The following ELAPOR2 variants were observed in gnomAD, a reference collection of about 807,000 sequenced individuals.
The protein encoded by ELAPOR2 is endosome-lysosome associated apoptosis and autophagy regulator family member 2, also known as endosome/lysosome-associated apoptosis and autophagy regulator family member 2.
ELAPOR2 carries 89 observed loss-of-function variants against 120.7 expected under a neutral mutation model. The observed-to-expected ratio is 0.74, with a 90% CI of 0.62 to 0.88. The LOEUF is 0.88. ELAPOR2 is among the 40% of genes least tolerant of loss of function. The pLI is 0.00. For synonymous variants in ELAPOR2, 444 were observed against 444.9 expected (o/e 1.00, Z 0.03); for missense variants, 1,134 against 1,251.6 (o/e 0.91, Z 1.42).
intron 1 of ELAPOR2, among the ~76,000 whole-genome samples, chr7:87,038,429 A>C (rs1794655588): frequency 6.6e-6 from 1 of 152,350 alleles, no homozygotes; most frequent in African/African-American, 2.4e-5. Context: ...TGTATACATA[A>C]CGATGCAAAC....
chr7:86,989,591 C>T (rs1385313112), intron 1 of ELAPOR2, among the ~76,000 whole-genome samples: 4 of 152,156 alleles, frequency 2.6e-5, no homozygotes, highest in Non-Finnish European at 5.9e-5. Flanking sequence ...AACTTTCGAG[C>T]CAGATTTGAT....
At chr7:86,889,914 G>C (rs1355260888) in intron 21 of ELAPOR2, among the ~76,000 whole-genome samples, 1 of 151,966 alleles carries the variant, frequency 6.6e-6, no homozygotes, top group Non-Finnish European at 1.5e-5. Flanking sequence ...TGTTCAGCTA[G>C]TTGAGTCTGG....
intron 1 of ELAPOR2, among the ~76,000 whole-genome samples, chr7:87,043,470 T>A (rs901243243): frequency 2.0e-5 from 3 of 151,812 alleles, no homozygotes; most frequent in Admixed American, 6.6e-5. Context: ...CGCAAATCAA[T>A]AAATATAATC....
Position 86,945,522 on chromosome 7 carries a change from T to C in ELAPOR2, c.507-476A>G, listed in dbSNP as rs1439693866. ...TGAAATGAACTTGTCAGTGATGGAC[T>C]TGGCTTTGAGTTCCTAAATCTTTGT... is the stretch of plus-strand genomic sequence containing the variant. On this transcript the variant is annotated intron_variant, in intron 3 of 21. Transcript: ENST00000450689. Among the ~76,000 whole-genome samples the C allele has an allele frequency of 2.6e-5, 4 of 152,366 alleles. No individual in the cohort carries two copies. The East Asian group carries it at 7.7e-4, about 29-fold the overall frequency.
At chr7:86,994,825 G>A (rs927239179) in intron 1 of ELAPOR2, among the ~76,000 whole-genome samples, 2 of 152,038 alleles carry the variant, frequency 1.3e-5, no homozygotes, top group African/African-American at 4.8e-5. Flanking sequence ...AAGTAGAAGA[G>A]ACAGGGCTAC....
chr7:86,939,033 T>G, intron 6 of ELAPOR2, 73 bp from the exon 7 acceptor site: 8 of 1,522,384 alleles, frequency 5.3e-6, no homozygotes, highest in South Asian at 1.2e-5. Context: ...CTACTTCTGC[T>G]TCTACCCAGA....
intron 1 of ELAPOR2, among the ~76,000 whole-genome samples, chr7:87,036,097 G>T (rs1357398176): frequency 6.6e-6 from 1 of 152,202 alleles, no homozygotes; most frequent in Non-Finnish European, 1.5e-5. Flanking sequence ...GTATACATTT[G>T]TTCAAATAGC....
chr7:86,926,918 TA>T lies in ELAPOR2; in HGVS notation c.1090-3del. Reference sequence around the variant, plus strand: ...TATCCACTTGTACATTATCTGTGTCTACAAAAAAAAAAAAAAAAAAAAAGCA... The same window carrying T: ...TATCCACTTGTACATTATCTGTGTCTCAAAAAAAAAAAAAAAAAAAAAGCA... On this transcript the variant is annotated splice_polypyrimidine_tract_variant and splice_region_variant and intron_variant, in intron 8 of 21. Transcript: ENST00000450689. 2 of 624,368 alleles carry T rather than the reference TA, an allele frequency of 3.2e-6. No individual in the cohort carries two copies. The highest frequency in any genetic ancestry group is 4.0e-6 in the Non-Finnish European group (2 of 497,886). 38.7% of individuals were successfully genotyped at this position (624,368 alleles called of 1,614,324 possible). A position where few individuals can be genotyped will look rare whatever the true frequency, so the allele number is the denominator to read the frequency against.
intron 19 of ELAPOR2, 87 bp downstream of exon 19, chr7:86,897,419 C>A: frequency 1.4e-6 from 2 of 1,461,768 alleles, no homozygotes; most frequent in South Asian, 1.3e-5. Flanking sequence ...AAGCTTTTGC[C>A]ATACTTCTGG....
At chr7:86,960,774 G>T (rs1310329469) in intron 2 of ELAPOR2, among the ~76,000 whole-genome samples, 1 of 151,596 alleles carries the variant, frequency 6.6e-6, no homozygotes, top group African/African-American at 2.4e-5. Context: ...TAACTTCCTT[G>T]TCCCTTGTGA....
rs1207259919 is a variant in ELAPOR2 at position 86,933,279 on chromosome 7, GCT to G, written c.1089+4845_1089+4846del. ...CTTATCCATAAGGAAATCATGAGAT[GCT>G]CTGTCAAATATCCTGCTAACATTAA... On this transcript the variant is annotated intron_variant, in intron 8 of 21. Transcript: ENST00000450689. Among the ~76,000 whole-genome samples the G allele has an allele frequency of 1.1e-4, 17 of 151,806 alleles. 1 individual carries two copies. Among genetic ancestry groups the G allele is most frequent in the Non-Finnish European group, 1.0e-4 (7 of 67,906 alleles).
intron 1 of ELAPOR2, among the ~76,000 whole-genome samples, chr7:86,996,057 T>C (rs1255367383): frequency 1.3e-5 from 2 of 150,466 alleles, no homozygotes; most frequent in African/African-American, 2.5e-5. Flanking sequence ...TAAATGCAAA[T>C]GTGAGGGAAT....
At chr7:87,049,349 T>G (rs1200710128) in intron 1 of ELAPOR2, among the ~76,000 whole-genome samples, 1 of 152,114 alleles carries the variant, frequency 6.6e-6, no homozygotes, top group Admixed American at 6.5e-5. Flanking sequence ...TGTCCTGATC[T>G]CGGCTCACTG....
intron 1 of ELAPOR2, among the ~76,000 whole-genome samples, chr7:87,028,811 A>G (rs1056341759): frequency 1.6e-4 from 25 of 152,122 alleles, no homozygotes; most frequent in African/African-American, 6.0e-4. Context: ...AAAAGGCACC[A>G]TGTGATCAGC....
intron 12 of ELAPOR2, among the ~76,000 whole-genome samples, chr7:86,916,032 T>C (rs950510712): frequency 1.3e-5 from 2 of 152,152 alleles, no homozygotes; most frequent in African/African-American, 4.8e-5. Context: ...CAAAGCATTT[T>C]ATATATTATT....
intron 1 of ELAPOR2, among the ~76,000 whole-genome samples, chr7:87,008,898 A>T (rs1793567930): frequency 6.6e-6 from 1 of 152,184 alleles, no homozygotes; most frequent in African/African-American, 2.4e-5. Context: ...TTTTTTAATG[A>T]AAATTTCCTA....
chr7:86,984,613 A>G (rs912521987), intron 1 of ELAPOR2, among the ~76,000 whole-genome samples: 6 of 152,244 alleles, frequency 3.9e-5, no homozygotes, highest in Non-Finnish European at 8.8e-5. Context: ...TGAAGGCAGA[A>G]ATAAAGATGT....
At chr7:86,925,365 C>T (rs1790018556) in intron 10 of ELAPOR2, among the ~76,000 whole-genome samples, 163 bp downstream of exon 10, 1 of 151,850 alleles carries the variant, frequency 6.6e-6, no homozygotes. Context: ...GCTGTGACAC[C>T]ACATTTACTA....
At chr7:86,998,459 A>G (rs982475009) in intron 1 of ELAPOR2, among the ~76,000 whole-genome samples, 11 of 152,174 alleles carry the variant, frequency 7.2e-5, no homozygotes, top group Admixed American at 2.0e-4. Context: ...TGGAGCTAAA[A>G]TTCAAATCCA....
Sources: allele counts gnomAD v4.1 joint callset (sites outside exome capture counted in the v4.1 genomes callset), GRCh38; gene constraint gnomAD v4.1.1; transcripts MANE v1.5; gene names NCBI Gene and HGNC (gene_info 2026-07-23, HGNC 2026-07-21).